The following ALDH1L1 variants were observed in gnomAD, a reference collection of about 807,000 sequenced individuals.
ALDH1L1 encodes aldehyde dehydrogenase 1 family member L1.
ALDH1L1 carries 68 observed loss-of-function variants against 101.1 expected under a neutral mutation model. The observed-to-expected ratio is 0.67, with a 90% CI of 0.55 to 0.82. The LOEUF is 0.82. Among genes scored for constraint, ALDH1L1 ranks in the 40% least tolerant of loss-of-function variants. The probability of loss-of-function intolerance (pLI) is 0.00; values close to 1 mark genes in which losing one functional copy is unlikely to be tolerated. For missense variants in ALDH1L1, 1,087 were observed against 1,172.7 expected (o/e 0.93, Z 1.07); for synonymous variants, 486 against 470.8 (o/e 1.03, Z -0.42).
At chr3:126,121,270 C>T (rs560542642) in intron 16 of ALDH1L1, among the ~76,000 whole-genome samples, 50 of 152,314 alleles carry the variant, frequency 3.3e-4, no homozygotes, top group Admixed American at 2.9e-3. Context: ...AGCTGCGCGG[C>T]GCTGCCTTGC....
chr3:126,171,616 C>T (rs978736464), intron 1 of ALDH1L1, among the ~76,000 whole-genome samples: 3 of 152,046 alleles, frequency 2.0e-5, no homozygotes, highest in Admixed American at 2.0e-4. Flanking sequence ...GAGAAAAATC[C>T]CCTTCTGGTT....
chr3:126,131,664 A>T, intron 12 of ALDH1L1, 130 bp from the exon 13 acceptor site: 1 of 1,003,436 alleles, frequency 1.0e-6, no homozygotes. Context: ...AGATGTGCGG[A>T]CCTCCGTTTC....
At chr3:126,119,532 C>T (rs1266846717) in intron 16 of ALDH1L1, among the ~76,000 whole-genome samples, 4 of 152,188 alleles carry the variant, frequency 2.6e-5, no homozygotes, top group African/African-American at 9.7e-5. Flanking sequence ...TCTTCCACCA[C>T]TCCCCTGCCT....
chr3:126,145,791 C>T (rs7630090), intron 9 of ALDH1L1, among the ~76,000 whole-genome samples: 34,065 of 152,090 alleles, frequency 0.22, 4,669 homozygotes, highest in African/African-American at 0.39. Flanking sequence ...CAATATACAG[C>T]TATAATTTTA....
At chr3:126,196,060 A>C (rs1425801394) in intron 1 of ALDH1L1, among the ~76,000 whole-genome samples, 1 of 152,176 alleles carries the variant, frequency 6.6e-6, no homozygotes, top group Non-Finnish European at 1.5e-5. Flanking sequence ...ATGTATACAT[A>C]TGTAACAAAC....
intron 17 of ALDH1L1, among the ~76,000 whole-genome samples, chr3:126,115,720 ACG>A (rs2079950920): frequency 6.6e-6 from 1 of 151,800 alleles, no homozygotes; most frequent in Non-Finnish European, 1.5e-5. Context: ...GATTACAGGC[ACG>A]TGCCACCACG....
At chr3:126,126,905 T>C (rs1448407275) in intron 14 of ALDH1L1, among the ~76,000 whole-genome samples, 1 of 152,086 alleles carries the variant, frequency 6.6e-6, no homozygotes, top group Admixed American at 6.5e-5. Flanking sequence ...GAACACCACA[T>C]GGAGAGACAG....
Position 126,130,257 on chromosome 3 carries a change from G to C in ALDH1L1, c.1660C>G (p.Arg554Gly), listed in dbSNP as rs778616036. 1.9e-6 allele frequency: 3 copies of C among 1,610,548 alleles called. No individual in the cohort carries two copies. Among genetic ancestry groups the C allele is most frequent in the Non-Finnish European group, 1.7e-6 (2 of 1,178,266 alleles). Residue 554 changes from arginine to glycine, a missense_variant, in exon 14 of 23, where the codon CGC (arginine) becomes GGC (glycine). Arg to Gly is a moderately radical substitution (Grantham distance 125). Transcript: ENST00000393434. ...TCCTTCCTGGTCAAGGTCAGGTTGC[G>C]GTTGGGTCTGGCCTGGTTGATGGGG... ...TIPINQARPN[R>G]NLTLTRKEPV...
At chr3:126,155,320 A>C in intron 5 of ALDH1L1, 82 bp downstream of exon 5, 2 of 1,276,686 alleles carry the variant, frequency 1.6e-6, no homozygotes, top group Non-Finnish European at 2.2e-6. Flanking sequence ...ATCTGGGCTG[A>C]ACCCCAGCCT....
At chr3:126,147,143 T>C (rs1438803719) in intron 8 of ALDH1L1, among the ~76,000 whole-genome samples, 1 of 152,196 alleles carries the variant, frequency 6.6e-6, no homozygotes, top group East Asian at 1.9e-4. Context: ...GGCCCTCTGA[T>C]GCTGGCTGCT....
At position 126,125,625 on chromosome 3, in the gene ALDH1L1, C is replaced by T; in HGVS notation, c.1791G>A (p.Lys597=). The change falls in exon 15 of 23, where the codon AAG becomes AAA. Residue 597 remains lysine, a synonymous_variant. Transcript: ENST00000393434. ...CLAAGNTVVI[K]PAQVTPLTAL... ...GTGAACCCACGCTCACCTGAGCAGG[C>T]TTGATCACCACTGTGTTCCCGGCAG... 6.3e-7 allele frequency: 1 copy of T among 1,584,406 alleles called. No individual in the cohort carries two copies. The highest frequency in any genetic ancestry group is 1.2e-5 in the South Asian group (1 of 86,294).
chr3:126,163,368 T>C (rs923798993), intron 1 of ALDH1L1, among the ~76,000 whole-genome samples: 6 of 151,404 alleles, frequency 4.0e-5, no homozygotes, highest in Admixed American at 6.6e-5. Flanking sequence ...GTTTTCTAAG[T>C]ATAAAATCAT....
intron 1 of ALDH1L1, among the ~76,000 whole-genome samples, chr3:126,189,135 G>T (rs976202282): frequency 3.3e-5 from 5 of 152,104 alleles, no homozygotes; most frequent in African/African-American, 1.2e-4. Flanking sequence ...ATTTAAATAG[G>T]CAATTGCATT....
chr3:126,128,914 T>A (rs1040442124), intron 14 of ALDH1L1: 5 of 147,256 alleles, frequency 3.4e-5, no homozygotes, highest in Non-Finnish European at 6.0e-5. Flanking sequence ...TGGCCCCAGG[T>A]GGGCCACGAC....
chr3:126,125,766 GC>G, intron 14 of ALDH1L1, 45 bp from the exon 15 acceptor site: 1 of 1,373,512 alleles, frequency 7.3e-7, no homozygotes, highest in Non-Finnish European at 9.7e-7. Context: ...TCTCCACCAG[GC>G]CCACAGTGGA....
chr3:126,183,527 G>C (rs78574145), upstream of ALDH1L1, among the ~76,000 whole-genome samples: 4,232 of 152,266 alleles, frequency 0.028, 183 homozygotes, highest in African/African-American at 0.095. Context: ...AGCCAAGAGC[G>C]TGGAGAATCA....
chr3:126,181,165 T>C (rs1284289718), upstream of ALDH1L1: 6 of 682,918 alleles, frequency 8.8e-6, no homozygotes, highest in Admixed American at 9.5e-5. Context: ...CTCTCCCTTC[T>C]ACTCAGTCCT....
chr3:126,116,362 T>A (rs2079972264), intron 17 of ALDH1L1, among the ~76,000 whole-genome samples: 1 of 151,884 alleles, frequency 6.6e-6, no homozygotes, highest in Admixed American at 6.6e-5. Context: ...GCCTCCCGAG[T>A]AGCTGGGACT....
Position 126,103,824 on chromosome 3 carries a change from G to A in ALDH1L1, c.2676C>T (p.Tyr892=). 1.9e-6 allele frequency: 3 copies of A among 1,613,640 alleles called. No homozygotes were observed. Among genetic ancestry groups the A allele is most frequent in the Non-Finnish European group, 2.5e-6 (3 of 1,179,854 alleles). The part of the protein sequence containing the change: ...KDLGEAALNE[Y]LRVKTVTFEY The stretch of plus-strand genomic sequence containing the variant: ...CGAAGGTCACTGTCTTGACCCGCAG[G>A]TACTCGTTCAGAGCCGCCTCTCCTG... The change falls in exon 23 of 23, where the codon TAC becomes TAT. Residue 892 remains tyrosine (Y), a synonymous_variant. Coordinates refer to ENST00000393434, the MANE Select transcript of ALDH1L1 (RefSeq NM_012190.4).
Sources: gnomAD v4.1 joint callset for allele counts (sites outside exome capture counted in the v4.1 genomes callset) on GRCh38, gnomAD v4.1.1 for gene constraint, MANE v1.5 for transcripts, NCBI Gene and HGNC (gene_info 2026-07-23, HGNC 2026-07-21) for gene names.